Variants in RBFOX1 observed in about 807,000 individuals in gnomAD.
RBFOX1 encodes the protein RNA binding protein fox-1 homolog 1.
A neutral mutation model predicts 57.7 loss-of-function variants in RBFOX1; 8 were observed. That is an observed-to-expected ratio of 0.14 (90% CI 0.08 to 0.25). RBFOX1 has a LOEUF of 0.25. Ranked by LOEUF, RBFOX1 falls within the 10% of genes least tolerant of loss-of-function variation. The pLI is 1.00. For missense variants in RBFOX1, 611 were observed against 548.5 expected, an observed-to-expected ratio of 1.11 and a Z score of -1.14; for synonymous variants, 326 against 222.4, an observed-to-expected ratio of 1.47 and a Z score of -4.15.
intron 2 of RBFOX1, among the ~76,000 whole-genome samples, chr16:6,608,604 C>T (rs1474578121): frequency 6.6e-6 from 1 of 152,162 alleles, no homozygotes; most frequent in Non-Finnish European, 1.5e-5. Context: ...GCTTGGGCAA[C>T]ATGGCAAGAC....
intron 4 of RBFOX1, among the ~76,000 whole-genome samples, chr16:5,931,919 C>G (rs1567161992): frequency 1.3e-5 from 2 of 152,120 alleles, no homozygotes; most frequent in Non-Finnish European, 1.5e-5. Context: ...GCATTCCACC[C>G]ACTTCAGCCT....
At chr16:7,695,713 G>C (rs527875889) in intron 14 of RBFOX1, among the ~76,000 whole-genome samples, 35 of 149,854 alleles carry the variant, frequency 2.3e-4, no homozygotes, top group African/African-American at 8.6e-4. Flanking sequence ...CAGCACTACT[G>C]TAATGAGCTC....
intron 4 of RBFOX1, among the ~76,000 whole-genome samples, chr16:5,891,767 G>T (rs2058049225): frequency 6.6e-6 from 1 of 152,184 alleles, no homozygotes; most frequent in Non-Finnish European, 1.5e-5. Flanking sequence ...GGCAGAGCTG[G>T]GGTAGAGCAC....
At chr16:6,173,487 C>G (rs1025539230) in intron 1 of RBFOX1, among the ~76,000 whole-genome samples, 2 of 152,080 alleles carry the variant, frequency 1.3e-5, no homozygotes, top group Non-Finnish European at 2.9e-5. Context: ...ACACACTCCA[C>G]TCACCAGTGG....
intron 1 of RBFOX1, among the ~76,000 whole-genome samples, chr16:5,399,270 G>T (rs1314005163): frequency 6.6e-6 from 1 of 152,178 alleles, no homozygotes; most frequent in Non-Finnish European, 1.5e-5. Flanking sequence ...CTGGGGTTTG[G>T]ACCTTAGCCG....
chr16:7,180,209 A>G (rs558410847), intron 4 of RBFOX1, among the ~76,000 whole-genome samples: 1 of 152,338 alleles, frequency 6.6e-6, no homozygotes, highest in South Asian at 2.1e-4. Context: ...ATTTTTATAT[A>G]GCATTTACTG....
chr16:5,522,960 G>C (rs1269918285), intron 2 of RBFOX1, among the ~76,000 whole-genome samples: 2 of 148,226 alleles, frequency 1.3e-5, no homozygotes, highest in African/African-American at 5.1e-5. Flanking sequence ...CACTGAGGTT[G>C]ATTCTATAGG....
chr16:5,627,805 A>T (rs576025198), intron 3 of RBFOX1, among the ~76,000 whole-genome samples: 2 of 152,344 alleles, frequency 1.3e-5, no homozygotes, highest in Admixed American at 6.5e-5. Flanking sequence ...TAAACTATAC[A>T]GGAGGCTAAG....
intron 3 of RBFOX1, among the ~76,000 whole-genome samples, chr16:6,995,952 G>C (rs924683669): frequency 2.6e-5 from 4 of 152,126 alleles, no homozygotes; most frequent in Admixed American, 6.6e-5. Flanking sequence ...CTTTGAGTCT[G>C]AAACTTTCTA....
At chr16:7,618,296 T>TCACA (rs1240165822) in intron 10 of RBFOX1, among the ~76,000 whole-genome samples, 1 of 152,186 alleles carries the variant, frequency 6.6e-6, no homozygotes, top group Non-Finnish European at 1.5e-5. Flanking sequence ...GTATCTATAT[T>TCACA]CACACTGAGT....
intron 1 of RBFOX1, among the ~76,000 whole-genome samples, chr16:6,075,656 A>C (rs982649120): frequency 6.6e-6 from 1 of 152,214 alleles, no homozygotes; most frequent in Non-Finnish European, 1.5e-5. Flanking sequence ...TTGTGATATT[A>C]ATCCAGTGCA....
chr16:6,651,468 C>T (rs1324091998), intron 2 of RBFOX1, among the ~76,000 whole-genome samples: 1 of 152,304 alleles, frequency 6.6e-6, no homozygotes, highest in East Asian at 1.9e-4. Flanking sequence ...TTTCTCCCTA[C>T]TTAAATTTGT....
At chr16:7,165,360 A>T (rs944206422) in intron 4 of RBFOX1, among the ~76,000 whole-genome samples, 1 of 142,978 alleles carries the variant, frequency 7.0e-6, no homozygotes, top group Non-Finnish European at 1.5e-5. Context: ...CTTAATGGCT[A>T]CTAGAGGCCC....
At chr16:7,702,559 T>A (rs904769753) in intron 14 of RBFOX1, among the ~76,000 whole-genome samples, 1 of 152,200 alleles carries the variant, frequency 6.6e-6, no homozygotes, top group Non-Finnish European at 1.5e-5. Context: ...TTATTTCTAG[T>A]TGGATGAGAG....
chr16:6,296,829 G>A (rs961693439), intron 1 of RBFOX1, among the ~76,000 whole-genome samples: 1 of 152,256 alleles, frequency 6.6e-6, no homozygotes, highest in Non-Finnish European at 1.5e-5. Flanking sequence ...CCGAGGTACC[G>A]GTACAGACCC....
At chr16:5,701,523 A>T (rs925867861) in intron 3 of RBFOX1, among the ~76,000 whole-genome samples, 2 of 151,854 alleles carry the variant, frequency 1.3e-5, no homozygotes, top group Non-Finnish European at 2.9e-5. Context: ...GCTCACTGCT[A>T]CCTATGCCTC....
intron 4 of RBFOX1, among the ~76,000 whole-genome samples, chr16:7,172,492 C>G (rs899780872): frequency 4.6e-5 from 7 of 152,156 alleles, no homozygotes; most frequent in African/African-American, 1.4e-4. Flanking sequence ...AGCCTTTTAT[C>G]AGCAAATCCA....
chr16:6,381,011 A>G (rs1418566701), intron 2 of RBFOX1, among the ~76,000 whole-genome samples: 1 of 152,150 alleles, frequency 6.6e-6, no homozygotes, highest in Non-Finnish European at 1.5e-5. Context: ...TGTGGTATGC[A>G]ATGATGACTG....
chr16:6,065,259 T>C (rs1438846596), intron 1 of RBFOX1, among the ~76,000 whole-genome samples: 1 of 149,572 alleles, frequency 6.7e-6, no homozygotes, highest in Non-Finnish European at 1.5e-5. Context: ...GGTCTCAAAC[T>C]CCTGGTCTCA....
Sources: allele counts gnomAD v4.1 joint callset (sites outside exome capture counted in the v4.1 genomes callset), GRCh38; gene constraint gnomAD v4.1.1; transcripts MANE v1.5; gene names NCBI Gene and HGNC (gene_info 2026-07-23, HGNC 2026-07-21).